Variants in ERC2 observed in about 807,000 individuals in gnomAD.
ERC2 encodes ELKS/RAB6-interacting/CAST family member 2, also known as ERC protein 2.
ERC2 carries 42 observed loss-of-function variants against 114.8 expected under a neutral mutation model. The ratio of observed to expected loss-of-function variants is 0.37; its 90% CI spans 0.29 to 0.47. The LOEUF is 0.47. Ranked by LOEUF, ERC2 falls within the 20% of genes least tolerant of loss-of-function variation. The probability of loss-of-function intolerance (pLI) is 0.99; values close to 1 mark genes in which losing one functional copy is unlikely to be tolerated. For missense variants in ERC2, 939 were observed against 1,150.7 expected (o/e 0.82, Z 2.66); for synonymous variants, 454 against 425.5 (o/e 1.07, Z -0.82).
At chr3:56,164,220 C>T (rs763193625) in intron 4 of ERC2, among the ~76,000 whole-genome samples, 54 of 151,968 alleles carry the variant, frequency 3.6e-4, no homozygotes, top group Non-Finnish European at 5.2e-4. Context: ...ATTTTCATCA[C>T]CCAAAATCCA....
intron 2 of ERC2, 109 bp downstream of exon 2, chr3:56,434,242 C>G: frequency 2.1e-6 from 2 of 966,680 alleles, no homozygotes; most frequent in Non-Finnish European, 3.1e-6. Context: ...CCATAACCTT[C>G]TTGATGATGC....
At chr3:55,845,315 T>C (rs1300403059) in intron 14 of ERC2, among the ~76,000 whole-genome samples, 2 of 152,016 alleles carry the variant, frequency 1.3e-5, no homozygotes, top group Non-Finnish European at 1.5e-5. Context: ...CCATCCCGGC[T>C]AAAACGGTGA....
At chr3:55,786,058 A>AT (rs897484969) in intron 14 of ERC2, among the ~76,000 whole-genome samples, 4 of 152,032 alleles carry the variant, frequency 2.6e-5, no homozygotes, top group South Asian at 4.2e-4. Context: ...TAGATGTGGG[A>AT]TTTTTTTTCA....
intron 13 of ERC2, among the ~76,000 whole-genome samples, chr3:55,905,904 G>A (rs1474397234): frequency 6.6e-6 from 1 of 152,128 alleles, no homozygotes; most frequent in African/African-American, 2.4e-5. Flanking sequence ...GGAGCTGCCT[G>A]CCTCCCACCT....
chr3:55,800,799 C>G (rs2070987822), intron 14 of ERC2, among the ~76,000 whole-genome samples: 1 of 152,146 alleles, frequency 6.6e-6, no homozygotes. Context: ...AGGCTTCCAG[C>G]AGAGTTGAGC....
At chr3:55,975,330 T>C (rs576365121) in intron 12 of ERC2, among the ~76,000 whole-genome samples, 22 of 152,300 alleles carry the variant, frequency 1.4e-4, no homozygotes, top group South Asian at 8.3e-4. Context: ...ATATTCCATA[T>C]AGTTTCCATA....
intron 3 of ERC2, among the ~76,000 whole-genome samples, chr3:56,214,218 C>A (rs1249814104): frequency 6.6e-6 from 1 of 152,094 alleles, no homozygotes; most frequent in Non-Finnish European, 1.5e-5. Context: ...AAGTTCGAAC[C>A]CATGGCAAAG....
At chr3:56,139,807 C>G in intron 5 of ERC2, 131 bp from the exon 6 acceptor site, 1 of 1,022,166 alleles carries the variant, frequency 9.8e-7, no homozygotes, top group Non-Finnish European at 1.4e-6. Context: ...CACGAATTTG[C>G]TTAAAAAAGA....
intron 3 of ERC2, among the ~76,000 whole-genome samples, chr3:56,264,008 A>T (rs1481280872): frequency 6.6e-6 from 1 of 152,196 alleles, no homozygotes; most frequent in African/African-American, 2.4e-5. Flanking sequence ...ACATGCAAGT[A>T]AATTAATGTG....
At chr3:56,143,198 G>A (rs185443116) in intron 5 of ERC2, among the ~76,000 whole-genome samples, 1 of 152,184 alleles carries the variant, frequency 6.6e-6, no homozygotes, top group East Asian at 1.9e-4. Context: ...TGTGGTGGTG[G>A]TAATAGGGTT....
At chr3:55,985,472 CAA>C (rs981535734) in intron 12 of ERC2, among the ~76,000 whole-genome samples, 4 of 152,292 alleles carry the variant, frequency 2.6e-5, no homozygotes, top group Admixed American at 2.6e-4. Flanking sequence ...TGATAATTTT[CAA>C]AAGTGACTTT....
intron 7 of ERC2, among the ~76,000 whole-genome samples, chr3:56,024,800 T>C (rs1374001880): frequency 6.6e-6 from 1 of 152,224 alleles, no homozygotes; most frequent in Non-Finnish European, 1.5e-5. Context: ...CTGGACTTTC[T>C]TTCTCTCAAG....
At chr3:56,343,551 A>G (rs1468788121) in intron 2 of ERC2, among the ~76,000 whole-genome samples, 1 of 152,124 alleles carries the variant, frequency 6.6e-6, no homozygotes, top group African/African-American at 2.4e-5. Context: ...CCAAGAGTTT[A>G]AGGCTGCAGT....
At chr3:55,796,516 C>T (rs1026766649) in intron 14 of ERC2, among the ~76,000 whole-genome samples, 1 of 152,148 alleles carries the variant, frequency 6.6e-6, no homozygotes, top group Non-Finnish European at 1.5e-5. Context: ...ACCTCTGCCC[C>T]CTGGGTTCAA....
At chr3:56,135,209 T>C (rs1485478927) in intron 6 of ERC2, among the ~76,000 whole-genome samples, 1 of 152,126 alleles carries the variant, frequency 6.6e-6, no homozygotes, top group Non-Finnish European at 1.5e-5. Flanking sequence ...TGCCTCGGCC[T>C]CTCAAAGTGC....
intron 15 of ERC2, among the ~76,000 whole-genome samples, chr3:55,733,542 TCACACACACACACACACACACACA>T (rs58311179): frequency 2.8e-5 from 3 of 107,888 alleles, no homozygotes; most frequent in African/African-American, 7.3e-5. Flanking sequence ...TCTCTCTCTC[TCACACACACACACACACACACACA>T]CACACACACA....
At chr3:56,437,724 G>A (rs952726369) in intron 1 of ERC2, among the ~76,000 whole-genome samples, 3 of 152,160 alleles carry the variant, frequency 2.0e-5, no homozygotes, top group African/African-American at 7.2e-5. Flanking sequence ...ATAATCTGTA[G>A]TGTAAAAAAG....
At chr3:56,084,726 G>A (rs1473327507) in intron 6 of ERC2, among the ~76,000 whole-genome samples, 1 of 152,028 alleles carries the variant, frequency 6.6e-6, no homozygotes, top group Non-Finnish European at 1.5e-5. Context: ...TGAGGAGGAT[G>A]AGGAATAAAA....
chr3:56,025,805 A>G (rs1389982961), intron 7 of ERC2, among the ~76,000 whole-genome samples: 1 of 152,134 alleles, frequency 6.6e-6, no homozygotes, highest in African/African-American at 2.4e-5. Context: ...GGCACATAAT[A>G]TGGGAACCAT....
Sources: allele counts gnomAD v4.1 joint callset (sites outside exome capture counted in the v4.1 genomes callset), GRCh38; gene constraint gnomAD v4.1.1; transcripts MANE v1.5; gene names NCBI Gene and HGNC (gene_info 2026-07-23, HGNC 2026-07-21).